Variants in TUT4 observed in about 807,000 individuals in gnomAD.
TUT4 encodes the protein terminal uridylyltransferase 4.
TUT4 carries 36 observed loss-of-function variants against 192.2 expected under a neutral mutation model. The ratio of observed to expected loss-of-function variants is 0.19; its 90% CI spans 0.14 to 0.25. The LOEUF (loss-of-function observed/expected upper bound fraction) is 0.25. Among genes scored for constraint, TUT4 ranks in the 10% least tolerant of loss-of-function variants. The pLI, the probability that TUT4 is intolerant of heterozygous loss-of-function variation, is 1.00. For missense variants in TUT4, 1,493 were observed against 1,957.2 expected, an observed-to-expected ratio of 0.76 and a Z score of 4.47; for synonymous variants, 618 against 666.0, an observed-to-expected ratio of 0.93 and a Z score of 1.11.
In TUT4 at chr1:52,532,957, C is replaced by T. The variant is rs1002626973; in HGVS notation, c.-93-6584G>A. Reference sequence around the variant, plus strand: ...CACTGAATAAAATTTTCAACTGCCCCGCTTCAATCATTCAACCATCATGTT... The same window carrying T: ...CACTGAATAAAATTTTCAACTGCCCTGCTTCAATCATTCAACCATCATGTT... On this transcript the variant is annotated intron_variant, in intron 1 of 29. Coordinates refer to ENST00000257177, the MANE Select transcript of TUT4 (RefSeq NM_001009881.3). Among the ~76,000 whole-genome samples the T allele has an allele frequency of 3.9e-5, 6 of 152,182 alleles. No individual in the cohort carries two copies. The South Asian group carries it at 6.2e-4, about 16-fold the overall frequency.
rs74946828 is a variant in TUT4, at chr1:52,485,029, G to A, written c.1516-3106C>T. On this transcript the variant is annotated intron_variant, in intron 9 of 29. Coordinates refer to ENST00000257177, the MANE Select transcript of TUT4 (RefSeq NM_001009881.3). The stretch of plus-strand genomic sequence containing the variant: ...CTGTTTGACTCTTCCAGAAGTATGT[G>A]AGCACCATGAAAGCAGGACTCTGTA... 8.7e-3 allele frequency among the ~76,000 whole-genome samples: 1,325 copies of A among 152,254 alleles called. 23 individuals carry two copies. The highest frequency in any genetic ancestry group is 0.03 in the African/African-American group (1,257 of 41,554).
intron 1 of TUT4, among the ~76,000 whole-genome samples, chr1:52,540,749 G>A (rs1343662766): frequency 6.6e-6 from 1 of 152,126 alleles, no homozygotes. Context: ...TTATGTACTA[G>A]AGTATGTCTC....
intron 18 of TUT4, 62 bp from the exon 19 acceptor site, chr1:52,461,285 AT>A (rs2148692527): frequency 6.8e-7 from 1 of 1,466,858 alleles, no homozygotes; most frequent in South Asian, 1.2e-5. Context: ...TACAAATCAG[AT>A]TTAAAAGTAA....
intron 24 of TUT4, among the ~76,000 whole-genome samples, chr1:52,444,981 G>A (rs12080022): frequency 2.4e-4 from 36 of 149,580 alleles, no homozygotes; most frequent in African/African-American, 3.2e-4. Context: ...GTATATGTGT[G>A]TATATATATG....
chr1:52,445,125 T>C (rs1396771240), intron 24 of TUT4, among the ~76,000 whole-genome samples: 1 of 151,874 alleles, frequency 6.6e-6, no homozygotes, highest in African/African-American at 2.4e-5. Context: ...AATACATTTG[T>C]TCTCTTTCTT....
intron 2 of TUT4, 110 bp downstream of exon 2, chr1:52,525,453 A>C: frequency 7.3e-7 from 1 of 1,373,578 alleles, no homozygotes; most frequent in Non-Finnish European, 9.7e-7. Context: ...TACGGGAACA[A>C]AAGTGCTAAA....
chr1:52,493,830 G>A (rs1671799059), intron 6 of TUT4, among the ~76,000 whole-genome samples, 168 bp from the exon 7 acceptor site: 1 of 150,614 alleles, frequency 6.6e-6, no homozygotes, highest in Non-Finnish European at 1.5e-5. Context: ...TTTGAGATGA[G>A]GTTTCCCTGT....
chr1:52,428,411 G>A (rs192951846), intron 28 of TUT4, among the ~76,000 whole-genome samples: 1 of 152,228 alleles, frequency 6.6e-6, no homozygotes, highest in East Asian at 1.9e-4. Context: ...CGGATAATTT[G>A]AGGTCAGAAG....
intron 16 of TUT4, 48 bp downstream of exon 16, chr1:52,465,022 G>C (rs780095750): frequency 7.1e-7 from 1 of 1,416,384 alleles, no homozygotes; most frequent in South Asian, 1.3e-5. Context: ...ACATAGAATC[G>C]TCATTGGGAG....
intron 16 of TUT4, chr1:52,463,800 G>A (rs763280101): frequency 3.7e-5 from 48 of 1,303,782 alleles, no homozygotes; most frequent in South Asian, 1.7e-4. Context: ...AAAGGAAAGC[G>A]TAAGTACCCA....
intron 27 of TUT4, chr1:52,432,426 T>C (rs1240801071): frequency 1.3e-5 from 2 of 152,042 alleles, no homozygotes; most frequent in Non-Finnish European, 2.9e-5. Context: ...CTGGAGTATA[T>C]ATAATGGCAG....
Position 52,525,772 on chromosome 1 carries a change from T to C in TUT4, c.509A>G (p.Asp170Gly), listed in dbSNP as rs777404869. The change falls in exon 2 of 30, where the codon GAC becomes GGC. Residue 170 changes from aspartate (D) to glycine (G), a missense_variant. Around this residue, in one of 7 missense-constraint regions of TUT4, gnomAD observed 260 missense variants for 247.8 expected, o/e 1.05. Transcript: ENST00000257177. Reference protein sequence around the residue: ...AEKGPSLLLKDMRQKTELQQI... With the variant: ...AEKGPSLLLKGMRQKTELQQI... ...TTGTAATTCTGTCTTCTGTCTCATG[T>C]CTTTCAACAGTAAACTGGGTCCCTT... The C allele has an allele frequency of 6.2e-7, 1 of 1,614,242 alleles. No homozygotes were observed.
chr1:52,423,553 A>G lies in TUT4; in HGVS notation c.*382T>C. On this transcript the variant is annotated 3_prime_UTR_variant, in exon 30 of 30. Coordinates refer to ENST00000257177, the MANE Select transcript of TUT4 (RefSeq NM_001009881.3). ...AAAGTCTGAAGCAACCAAAGTATGA[A>G]TACAGCTAATAGAAAATAAAGAATG... 3 of 276,750 alleles carry G rather than the reference A, an allele frequency of 1.1e-5. No individual in the cohort carries two copies. Among genetic ancestry groups the G allele is most frequent in the Non-Finnish European group, 2.1e-5 (3 of 140,440 alleles). 17.1% of individuals were successfully genotyped at this position (276,750 alleles called of 1,614,324 possible). A position where few individuals can be genotyped will look rare whatever the true frequency, so the allele number is the denominator to read the frequency against.
At chr1:52,513,776 TG>T (rs1285379179) in intron 3 of TUT4, among the ~76,000 whole-genome samples, 1 of 152,218 alleles carries the variant, frequency 6.6e-6, no homozygotes, top group Admixed American at 6.5e-5. Flanking sequence ...TATTTGCTTA[TG>T]TGTCTTTCTC....
intron 16 of TUT4, chr1:52,463,887 C>A: frequency 2.2e-6 from 2 of 913,190 alleles, no homozygotes; most frequent in South Asian, 1.5e-5. Flanking sequence ...CTATCAGTTT[C>A]AGAAAGCAGT....
chr1:52,475,684 GA>G (rs1455357455), intron 12 of TUT4, 149 bp from the exon 13 acceptor site: 2 of 670,330 alleles, frequency 3.0e-6, no homozygotes, highest in Non-Finnish European at 4.8e-6. Context: ...GAAAGTTCCT[GA>G]AAATGGGAGG....
At chr1:52,536,414 A>G (rs1459039718) in intron 1 of TUT4, among the ~76,000 whole-genome samples, 1 of 152,228 alleles carries the variant, frequency 6.6e-6, no homozygotes, top group African/African-American at 2.4e-5. Flanking sequence ...TAATTCTATA[A>G]AAAATCAACT....
chr1:52,544,168 TC>T (rs1252547845), intron 1 of TUT4, among the ~76,000 whole-genome samples: 1 of 151,610 alleles, frequency 6.6e-6, no homozygotes, highest in East Asian at 1.9e-4. Context: ...GCGCCTGTAG[TC>T]CCAGGCTACT....
intron 16 of TUT4, chr1:52,463,710 C>T: frequency 7.7e-7 from 1 of 1,304,284 alleles, no homozygotes; most frequent in Non-Finnish European, 1.0e-6. Context: ...GCCTGGGACA[C>T]TTCTTCCCTG....
Sources: gnomAD v4.1 joint callset for allele counts (sites outside exome capture counted in the v4.1 genomes callset) on GRCh38, gnomAD v4.1.1 for gene constraint, gnomAD v4.1.1 regional missense constraint, MANE v1.5 for transcripts, NCBI Gene and HGNC (gene_info 2026-07-23, HGNC 2026-07-21) for gene names.